Variants in CCDC195 observed in about 807,000 individuals in gnomAD.
The protein encoded by CCDC195 is coiled-coil domain containing 195.
intron 2 of CCDC195, among the ~76,000 whole-genome samples, chr2:224,709,572 G>A (rs1272916760): frequency 6.6e-6 from 1 of 152,182 alleles, no homozygotes; most frequent in Non-Finnish European, 1.5e-5. Context: ...TCTGCATTCA[G>A]CTCTTAAAGT....
At chr2:224,706,321 C>G (rs1343933460) in intron 2 of CCDC195, among the ~76,000 whole-genome samples, 1 of 142,284 alleles carries the variant, frequency 7.0e-6, no homozygotes, top group Non-Finnish European at 1.5e-5. Flanking sequence ...TTCTCTGTCT[C>G]AGCCTCCCAA....
intron 2 of CCDC195, 126 bp from the exon 3 acceptor site, chr2:224,704,013 C>T (rs1697209093): frequency 2.5e-6 from 1 of 393,804 alleles, no homozygotes; most frequent in Non-Finnish European, 4.5e-6. Context: ...AAAAATATAT[C>T]ATGATATTTT....
chr2:224,707,413 G>T (rs953618046), intron 2 of CCDC195, among the ~76,000 whole-genome samples: 3 of 152,110 alleles, frequency 2.0e-5, no homozygotes, highest in African/African-American at 4.8e-5. Flanking sequence ...CCTACCCAGG[G>T]CTTCTGCATT....
At chr2:224,705,202 C>A (rs992549007) in intron 2 of CCDC195, among the ~76,000 whole-genome samples, 3 of 152,116 alleles carry the variant, frequency 2.0e-5, no homozygotes, top group African/African-American at 7.2e-5. Context: ...CCTCCTTAAA[C>A]TTCTTTCTGG....
intron 1 of CCDC195, among the ~76,000 whole-genome samples, chr2:224,710,681 A>G (rs1035665463): frequency 6.6e-6 from 1 of 152,250 alleles, no homozygotes; most frequent in African/African-American, 2.4e-5. Flanking sequence ...TTTATTTTAC[A>G]AATATTAATT....
chr2:224,713,473 C>T (rs1474137308), intron 1 of CCDC195, among the ~76,000 whole-genome samples: 4 of 152,068 alleles, frequency 2.6e-5, no homozygotes, highest in South Asian at 2.1e-4. Context: ...CATAGAATCA[C>T]AGGATTTTGC....
chr2:224,704,027 T>G (rs554906378), intron 2 of CCDC195, 140 bp from the exon 3 acceptor site: 24 of 393,474 alleles, frequency 6.1e-5, no homozygotes, highest in Non-Finnish European at 1.1e-4. Flanking sequence ...ATATTTTTTG[T>G]TAAGTTGTTC....
intron 2 of CCDC195, among the ~76,000 whole-genome samples, chr2:224,705,953 A>G (rs1014222551): frequency 3.9e-5 from 6 of 152,180 alleles, no homozygotes; most frequent in Non-Finnish European, 5.9e-5. Flanking sequence ...CCATACTATC[A>G]TAGAAAATAA....
At chr2:224,712,296 T>C (rs539417741) in intron 1 of CCDC195, among the ~76,000 whole-genome samples, 1 of 152,348 alleles carries the variant, frequency 6.6e-6, no homozygotes, top group African/African-American at 2.4e-5. Flanking sequence ...GGTCCAGCAA[T>C]GCTGTAAAGG....
At chr2:224,714,490 C>G (rs895197302) in intron 1 of CCDC195, among the ~76,000 whole-genome samples, 3 of 152,080 alleles carry the variant, frequency 2.0e-5, no homozygotes, top group Non-Finnish European at 4.4e-5. Context: ...TTGGCAATGC[C>G]TGGAGACATT....
chr2:224,706,189 CTTTT>C (rs201012911), intron 2 of CCDC195, among the ~76,000 whole-genome samples: 4 of 33,360 alleles, frequency 1.2e-4, no homozygotes, highest in East Asian at 2.1e-3. Flanking sequence ...TATTTTGTAA[CTTTT>C]TTTTTTTTTT....
chr2:224,707,277 A>T (rs1031082590), intron 2 of CCDC195, among the ~76,000 whole-genome samples: 10 of 152,240 alleles, frequency 6.6e-5, no homozygotes, highest in African/African-American at 2.4e-4. Context: ...TTTACAATAA[A>T]TCCAGAGTCA....
At chr2:224,715,180 G>T (rs906602097) in intron 1 of CCDC195, among the ~76,000 whole-genome samples, 1 of 152,076 alleles carries the variant, frequency 6.6e-6, no homozygotes, top group Non-Finnish European at 1.5e-5. Flanking sequence ...ATCCACCTTG[G>T]CTTCCCAAAG....
chr2:224,711,517 A>G (rs1328963211), intron 1 of CCDC195, among the ~76,000 whole-genome samples: 1 of 152,112 alleles, frequency 6.6e-6, no homozygotes, highest in Non-Finnish European at 1.5e-5. Context: ...TGATTATCCA[A>G]CATCTACTTG....
rs1485285568 is a variant in CCDC195, at chr2:224,704,593, TTTTTTTCTTTTCTTTTC to T, written c.483-723_483-707del. ...TCTCAGAAAACACAGCTGCACCTTT[TTTTTTTCTTTTCTTTTC>T]TTTTTTTTTTTTTTTTCTTTTTTTT... On this transcript the variant is annotated intron_variant, in intron 2 of 2. Transcript: ENST00000638102. Among the ~76,000 whole-genome samples the T allele has an allele frequency of 1.2e-3, 182 of 146,944 alleles. 1 individual carries two copies. The highest frequency in any genetic ancestry group is 4.2e-3 in the African/African-American group (163 of 38,612).
At chr2:224,711,728 G>C (rs1007572518) in intron 1 of CCDC195, among the ~76,000 whole-genome samples, 11 of 152,140 alleles carry the variant, frequency 7.2e-5, no homozygotes, top group Non-Finnish European at 1.3e-4. Context: ...TTTTATTTAT[G>C]TTTGCTGACT....
intron 2 of CCDC195, among the ~76,000 whole-genome samples, chr2:224,708,398 C>T (rs1456553371): frequency 6.6e-6 from 1 of 152,092 alleles, no homozygotes; most frequent in Non-Finnish European, 1.5e-5. Context: ...ACTTCTCCAT[C>T]CTCATTTATT....
intron 1 of CCDC195, 42 bp from the exon 2 acceptor site, chr2:224,710,261 C>G (rs1357049538): frequency 2.5e-6 from 1 of 398,198 alleles, no homozygotes; most frequent in Non-Finnish European, 4.4e-6. Context: ...AAATTCTACC[C>G]TAATGACACT....
chr2:224,710,963 A>G (rs1049903766), intron 1 of CCDC195, among the ~76,000 whole-genome samples: 2 of 152,216 alleles, frequency 1.3e-5, no homozygotes, highest in African/African-American at 2.4e-5. Context: ...CTTGACATAC[A>G]TAGATAATAA....
Sources: allele counts gnomAD v4.1 joint callset (sites outside exome capture counted in the v4.1 genomes callset), GRCh38; gene constraint gnomAD v4.1.1; transcripts MANE v1.5; gene names NCBI Gene and HGNC (gene_info 2026-07-23, HGNC 2026-07-21).